Variants in BCAT1 observed in about 807,000 individuals in gnomAD.
BCAT1 encodes branched chain amino acid transaminase 1, also known as branched-chain-amino-acid aminotransferase, cytosolic.
BCAT1 carries 48 observed loss-of-function variants against 52.4 expected under a neutral mutation model. The ratio of observed to expected loss-of-function variants is 0.92; its 90% CI spans 0.73 to 1.16. BCAT1 has a LOEUF of 1.16. BCAT1 is among the 50% of genes most tolerant of loss of function. The pLI, the probability that BCAT1 is intolerant of heterozygous loss-of-function variation, is 0.00. For synonymous variants in BCAT1, 167 were observed against 161.3 expected, an observed-to-expected ratio of 1.04 and a Z score of -0.27; for missense variants, 451 against 457.1, an observed-to-expected ratio of 0.99 and a Z score of 0.12.
At chr12:24,852,960 A>G (rs181218972) in intron 5 of BCAT1, among the ~76,000 whole-genome samples, 17 of 152,364 alleles carry the variant, frequency 1.1e-4, no homozygotes, top group Admixed American at 8.5e-4. Flanking sequence ...AAGACAATGA[A>G]TAAGATCTAA....
intron 9 of BCAT1, among the ~76,000 whole-genome samples, chr12:24,832,411 C>A (rs71450458): frequency 0.14 from 21,327 of 151,884 alleles, 1,891 homozygotes; most frequent in Middle Eastern, 0.23. Context: ...AAAACAACAA[C>A]AAAAAAGACC....
intron 1 of BCAT1, among the ~76,000 whole-genome samples, chr12:24,913,591 C>T (rs1428716610): frequency 3.3e-5 from 5 of 152,228 alleles, no homozygotes; most frequent in African/African-American, 1.2e-4. Context: ...GGATGACTCA[C>T]TCTATTCCCC....
intron 10 of BCAT1, among the ~76,000 whole-genome samples, chr12:24,827,054 T>C (rs563212538): frequency 5.3e-5 from 8 of 152,324 alleles, no homozygotes; most frequent in African/African-American, 1.9e-4. Context: ...TTTAGGTTTT[T>C]CTAGGTGTAA....
chr12:24,820,034 C>T (rs1452626781), intron 10 of BCAT1, among the ~76,000 whole-genome samples: 2 of 152,182 alleles, frequency 1.3e-5, no homozygotes, highest in African/African-American at 4.8e-5. Context: ...AGTTCATTGG[C>T]ATTTTAGCAG....
At chr12:24,860,238 T>C (rs1270290910) in intron 5 of BCAT1, among the ~76,000 whole-genome samples, 2 of 151,054 alleles carry the variant, frequency 1.3e-5, no homozygotes, top group African/African-American at 5.0e-5. Context: ...AAAAAAACTT[T>C]CAAGAGTCTC....
At chr12:24,825,280 AT>A (rs1014834557) in intron 10 of BCAT1, among the ~76,000 whole-genome samples, 2 of 152,020 alleles carry the variant, frequency 1.3e-5, no homozygotes, top group East Asian at 1.9e-4. Context: ...TGATATACTA[AT>A]TTTTTTCTTT....
intron 5 of BCAT1, among the ~76,000 whole-genome samples, chr12:24,863,861 G>A (rs1941922681): frequency 6.6e-6 from 1 of 152,008 alleles, no homozygotes; most frequent in Admixed American, 6.6e-5. Context: ...AGCCCAGCAG[G>A]TCAAAGCTGT....
chr12:24,896,617 A>ATAGT (rs994036535), intron 2 of BCAT1, among the ~76,000 whole-genome samples: 1 of 152,180 alleles, frequency 6.6e-6, no homozygotes, highest in Non-Finnish European at 1.5e-5. Context: ...AAATACAAAA[A>ATAGT]TTAACTGAGT....
chr12:24,887,075 A>AT (rs1942690949), intron 3 of BCAT1, among the ~76,000 whole-genome samples: 2 of 102,006 alleles, frequency 2.0e-5, no homozygotes, highest in African/African-American at 4.0e-5. Context: ...AAAAAAAAAA[A>AT]AAAAAATATA....
chr12:24,868,081 T>C (rs769868537), intron 5 of BCAT1, among the ~76,000 whole-genome samples: 2 of 152,148 alleles, frequency 1.3e-5, no homozygotes, highest in African/African-American at 2.4e-5. Context: ...AAAATGCCTA[T>C]CACGAGCCAA....
intron 10 of BCAT1, among the ~76,000 whole-genome samples, chr12:24,823,034 C>CTTTTTTTTTTTTTTATTTGTTTTGTCT (rs5797104): frequency 7.1e-6 from 1 of 141,476 alleles, no homozygotes. Context: ...TTTGTTTTGA[C>CTTTTTTTTTTTTTTATTTGTTTTGTCT]TTTTTTTTTT....
At chr12:24,850,042 A>T in intron 5 of BCAT1, 93 bp from the exon 6 acceptor site, 1 of 1,216,994 alleles carries the variant, frequency 8.2e-7, no homozygotes, top group South Asian at 2.4e-5. Context: ...TCCCAGAAGA[A>T]GCCATCGAAT....
chr12:24,869,460 AT>A (rs1205611314), intron 5 of BCAT1, among the ~76,000 whole-genome samples: 3 of 152,128 alleles, frequency 2.0e-5, no homozygotes, highest in Non-Finnish European at 4.4e-5. Flanking sequence ...AAGTTCCATT[AT>A]TCTCACCTTT....
chr12:24,827,892 A>T lies in BCAT1; in HGVS notation c.1119+1931T>A, dbSNP rs373939375. On this transcript the variant is annotated intron_variant, in intron 10 of 10. Coordinates refer to ENST00000261192, the MANE Select transcript of BCAT1 (RefSeq NM_005504.7). ...AGTCTCTTTTAAAACTGCCTTTTAA[A>T]CTCTCTTTTAAACTTTTATTTTTAT... Among the ~76,000 whole-genome samples, 95 of 151,462 alleles carry T rather than the reference A, an allele frequency of 6.3e-4. No individual in the cohort carries two copies. The South Asian group carries it at 0.019, about 31-fold the overall frequency.
chr12:24,883,539 T>C (rs1369830022), intron 3 of BCAT1, among the ~76,000 whole-genome samples: 1 of 152,150 alleles, frequency 6.6e-6, no homozygotes, highest in Admixed American at 6.5e-5. Flanking sequence ...AATTGGAAGC[T>C]GCAGTGAGCT....
chr12:24,859,618 C>CA (rs71063366), intron 5 of BCAT1, among the ~76,000 whole-genome samples: 3,512 of 93,682 alleles, frequency 0.037, 205 homozygotes, highest in African/African-American at 0.13. Context: ...AGACTCGTCT[C>CA]AAAAAAAAAA....
At chr12:24,948,841 C>T (rs1227968632) in intron 1 of BCAT1, 86 bp downstream of exon 1, 5 of 1,468,056 alleles carry the variant, frequency 3.4e-6, no homozygotes, top group African/African-American at 2.8e-5. Context: ...TCCTCCCCTC[C>T]CTGCCAACTA....
At chr12:24,935,749 A>C (rs963034446) in intron 1 of BCAT1, among the ~76,000 whole-genome samples, 2 of 152,220 alleles carry the variant, frequency 1.3e-5, no homozygotes, top group African/African-American at 4.8e-5. Flanking sequence ...AAGCTAAGCC[A>C]AATATCCAAG....
chr12:24,835,082 C>A (rs770199980), intron 8 of BCAT1, among the ~76,000 whole-genome samples: 1 of 152,124 alleles, frequency 6.6e-6, no homozygotes, highest in Non-Finnish European at 1.5e-5. Flanking sequence ...TGTCGTCGAA[C>A]CTTCTGTACT....
Sources: allele counts gnomAD v4.1 joint callset (sites outside exome capture counted in the v4.1 genomes callset), GRCh38; gene constraint gnomAD v4.1.1; transcripts MANE v1.5; gene names NCBI Gene and HGNC (gene_info 2026-07-23, HGNC 2026-07-21).